The following SYT2 variants were observed in gnomAD, a reference collection of about 807,000 sequenced individuals.
SYT2 encodes the protein synaptotagmin 2, also known as synaptotagmin-2.
SYT2 carries 15 observed loss-of-function variants against 39.9 expected under a neutral mutation model. The ratio of observed to expected loss-of-function variants is 0.38; its 90% confidence interval spans 0.25 to 0.58. The LOEUF (loss-of-function observed/expected upper bound fraction) is 0.58. Ranked by LOEUF, SYT2 falls within the 20% of genes least tolerant of loss-of-function variation. SYT2 has a pLI of 0.70. For missense variants in SYT2, 389 were observed against 530.3 expected, an observed-to-expected ratio of 0.73 and a Z score of 2.62; for synonymous variants, 181 against 204.5, an observed-to-expected ratio of 0.89 and a Z score of 0.98.
At position 202,699,010 on chromosome 1, in the gene SYT2, C is replaced by CTTTTTTT. The variant is rs5780118; in HGVS notation, c.-18+11241_-18+11247dup. On this transcript the variant is annotated intron_variant, in intron 1 of 8. Coordinates refer to ENST00000367268, the MANE Select transcript of SYT2 (RefSeq NM_177402.5). ...TGGATAGAACCAGTAACCAAACTGT[C>CTTTTTTT]TTTTTTTTTTTTTTTTTTTTTTTGA... is the stretch of plus-strand genomic sequence containing the variant. 6.3e-4 allele frequency among the ~76,000 whole-genome samples: 62 copies of CTTTTTTT among 97,936 alleles called. 1 individual carries two copies. Among genetic ancestry groups the CTTTTTTT allele is most frequent in the Non-Finnish European group, 9.2e-4 (47 of 50,870 alleles). 64.2% of individuals were successfully genotyped at this position (97,936 alleles called of 152,430 possible).
At chr1:202,689,018 C>G (rs553008812) in intron 1 of SYT2, among the ~76,000 whole-genome samples, 1 of 152,258 alleles carries the variant, frequency 6.6e-6, no homozygotes, top group South Asian at 2.1e-4. Context: ...CCAGCCTCAG[C>G]AAGGGAGGGA....
At chr1:202,649,219 A>C (rs1286810220) in intron 1 of SYT2, among the ~76,000 whole-genome samples, 1 of 152,246 alleles carries the variant, frequency 6.6e-6, no homozygotes, top group Non-Finnish European at 1.5e-5. Flanking sequence ...AACCAGCATC[A>C]AGTGGCAGCC....
chr1:202,624,759 T>TGTGTGGCATGTAGTAGG (rs1558435818), intron 1 of SYT2, among the ~76,000 whole-genome samples: 2 of 104,230 alleles, frequency 1.9e-5, no homozygotes, highest in South Asian at 4.0e-4. Context: ...GTGTGTGGTG[T>TGTGTGGCATGTAGTAGG]GTGTGTGGTG....
intron 1 of SYT2, chr1:202,633,049 G>A (rs1293066417): frequency 6.6e-6 from 1 of 152,282 alleles, no homozygotes; most frequent in African/African-American, 2.4e-5. Flanking sequence ...TACAGGATGT[G>A]GCTGTGCAGT....
rs562971351 is a variant in SYT2 at position 202,614,821 on chromosome 1, G to A, written c.-17-9032C>T. Among the ~76,000 whole-genome samples, 2 of 152,332 alleles carry A rather than the reference G, an allele frequency of 1.3e-5. No individual in the cohort carries two copies. Among genetic ancestry groups the A allele is most frequent in the East Asian group, 1.9e-4 (1 of 5,184 alleles). ...CTGAGAGAAGGCCAGGGCAGCTGGA[G>A]TGGATGGATCACGGTTCAGGGTGAG... On this transcript the variant is annotated intron_variant, in intron 1 of 8. Transcript: ENST00000367268. The surrounding 1 kb of genome is among the most constrained non-coding windows in gnomAD (Gnocchi z 4.0).
At chr1:202,679,175 C>T (rs1653463474) in intron 1 of SYT2, among the ~76,000 whole-genome samples, 1 of 152,160 alleles carries the variant, frequency 6.6e-6, no homozygotes, top group Non-Finnish European at 1.5e-5. Context: ...GAAGCTGGTC[C>T]CACTGGTGTC....
chr1:202,602,389 A>G lies in SYT2; in HGVS notation c.622T>C (p.Phe208Leu). The G allele has an allele frequency of 6.2e-7, 1 of 1,613,902 alleles. No homozygotes were observed. The highest frequency in any genetic ancestry group is 8.5e-7 in the Non-Finnish European group (1 of 1,179,838). The change falls in exon 5 of 9, where the codon TTC (phenylalanine) becomes CTC (leucine). Residue 208 changes from phenylalanine (F) to leucine (L), a missense_variant. Physicochemically the swap from Phe to Leu is conservative, Grantham distance 22. Transcript: ENST00000367268. ...CCAGCCCTCAGCACCTTGAAGGTGA[A>G]GGTTTCATTGAAGGCAGGGTTCAGT... is the stretch of plus-strand genomic sequence containing the variant. ...KTLNPAFNET[F>L]TFKVPYQELG... is the part of the protein sequence containing the mutation.
intron 1 of SYT2, among the ~76,000 whole-genome samples, chr1:202,650,034 T>A (rs1692161540): frequency 6.6e-6 from 1 of 152,198 alleles, no homozygotes; most frequent in South Asian, 2.1e-4. Context: ...GGGGAGCGAT[T>A]CCAAGTTCTC....
chr1:202,701,820 C>T (rs898771855), intron 1 of SYT2, among the ~76,000 whole-genome samples: 1 of 152,176 alleles, frequency 6.6e-6, no homozygotes, highest in African/African-American at 2.4e-5. Flanking sequence ...ATAAGGTAAA[C>T]TTCACAAGGG....
In SYT2 at chr1:202,600,372, C is replaced by T. The variant is rs756234494; in HGVS notation, c.904G>A (p.Val302Met). 18 of 1,614,054 alleles carry T rather than the reference C, an allele frequency of 1.1e-5. No homozygotes were observed. The highest frequency in any genetic ancestry group is 3.3e-5 in the South Asian group (3 of 91,094). Residue 302 changes from valine to methionine, a missense_variant, in exon 7 of 9, where the codon GTG (valine) becomes ATG (methionine). Val to Met is a conservative substitution (Grantham distance 21). This residue lies in a region of SYT2 where 21 missense variants were observed against 47.0 expected (regional missense o/e 0.45). Coordinates refer to ENST00000367268, the MANE Select transcript of SYT2 (RefSeq NM_177402.5). ...LEAKNLKKMD[V>M]GGLSDPYVKI... is the part of the protein sequence containing the mutation. The stretch of plus-strand genomic sequence containing the variant: ...CTCCACGTACCTGAAAGGCCGCCCA[C>T]GTCCATCTTCTTGAGGTTCTTAGCC...
At position 202,679,440 on chromosome 1, in the gene SYT2, C is replaced by G. The variant is rs151285358; in HGVS notation, c.-18+30818G>C. ...TGCTCCTATATTTCCCTTCTCAGCT[C>G]CAGGCACCATCATTGACTCAGTTGT... On this transcript the variant is annotated intron_variant, in intron 1 of 8. Transcript: ENST00000367268. Among the ~76,000 whole-genome samples the G allele has an allele frequency of 7.9e-3, 1,200 of 152,312 alleles. 20 individuals carry two copies. Among genetic ancestry groups the G allele is most frequent in the African/African-American group, 0.028 (1,151 of 41,552 alleles).
chr1:202,607,632 C>G (rs899332350), intron 1 of SYT2, among the ~76,000 whole-genome samples: 9 of 152,164 alleles, frequency 5.9e-5, no homozygotes, highest in African/African-American at 2.2e-4. Context: ...TACATTGATG[C>G]AATGTAGGTT....
intron 1 of SYT2, among the ~76,000 whole-genome samples, chr1:202,619,735 C>T (rs528893007): frequency 3.5e-4 from 54 of 152,278 alleles, no homozygotes; most frequent in African/African-American, 1.3e-3. Flanking sequence ...AGTCCAAGCC[C>T]GGTTGCTGGA....
chr1:202,596,571 G>T lies in SYT2; in HGVS notation c.*186C>A. The T allele has an allele frequency of 3.3e-6, 2 of 601,608 alleles. No individual in the cohort carries two copies. The highest frequency in any genetic ancestry group is 2.1e-5 in the South Asian group (1 of 48,486). 37.3% of individuals were successfully genotyped at this position (601,608 alleles called of 1,614,324 possible). ...CAGGCTTCTCTTTCACCTCTTAGGGGACTCTCCTCACACAGCCATCAAAGG... is the reference window on the plus strand; with the variant it reads ...CAGGCTTCTCTTTCACCTCTTAGGGTACTCTCCTCACACAGCCATCAAAGG... On this transcript the variant is annotated 3_prime_UTR_variant, in exon 9 of 9. Coordinates refer to ENST00000367268, the MANE Select transcript of SYT2 (RefSeq NM_177402.5).
At position 202,602,451 on chromosome 1, in the gene SYT2, T is replaced by C. The variant is rs778448898; in HGVS notation, c.560A>G (p.Lys187Arg). The change falls in exon 5 of 9, where the codon AAG (lysine) becomes AGG (arginine). Residue 187 changes from lysine (K) to arginine (R), a missense_variant. By Grantham distance (26) the Lys-to-Arg change is conservative. Around this residue, in one of 4 missense-constraint regions of SYT2, gnomAD observed 280 missense variants for 335.6 expected, o/e 0.83. Coordinates refer to ENST00000367268, the MANE Select transcript of SYT2 (RefSeq NM_177402.5). The stretch of plus-strand genomic sequence containing the variant: ...GACTTTGGTCTCATATTTCTTCTTC[T>C]TGTCAGGAAGGAGGAAGACCTTGAC... Reference protein sequence around the residue: ...PYVKVFLLPDKKKKYETKVHR... With the variant: ...PYVKVFLLPDRKKKYETKVHR... 4 of 1,614,162 alleles carry C rather than the reference T, an allele frequency of 2.5e-6. No homozygotes were observed. In the Admixed American group the frequency reaches 6.7e-5, roughly 27 times the overall value.
intron 2 of SYT2, 90 bp downstream of exon 2, chr1:202,605,505 G>GCCAATCACATCC: frequency 7.8e-7 from 1 of 1,276,912 alleles, no homozygotes; most frequent in African/African-American, 1.5e-5. Context: ...AAAGAGCCCA[G>GCCAATCACATCC]CCAATCACAT....
rs1690506485 is a variant in SYT2, at chr1:202,601,643, C to T, written c.801+247G>A. On this transcript the variant is annotated intron_variant, in intron 6 of 8. Coordinates refer to ENST00000367268, the MANE Select transcript of SYT2 (RefSeq NM_177402.5). The surrounding 1 kb of genome is among the most constrained non-coding windows in gnomAD (Gnocchi z 4.0). The stretch of plus-strand genomic sequence containing the variant: ...ATTTATTTGAGTACCTACCAAATAC[C>T]AGTCGCTGCGCTAGGCGCTTTATGC... Among the ~76,000 whole-genome samples, 1 of 152,172 alleles carries T rather than the reference C, an allele frequency of 6.6e-6. No homozygotes were observed. Among genetic ancestry groups the T allele is most frequent in the Non-Finnish European group, 1.5e-5 (1 of 68,026 alleles).
chr1:202,692,397 C>T (rs1340584722), intron 1 of SYT2, among the ~76,000 whole-genome samples: 4 of 152,036 alleles, frequency 2.6e-5, no homozygotes, highest in Non-Finnish European at 4.4e-5. Flanking sequence ...ATAAATATTA[C>T]AGGGAAGAGT....
intron 1 of SYT2, among the ~76,000 whole-genome samples, chr1:202,624,838 G>A (rs1308854144): frequency 7.3e-6 from 1 of 137,616 alleles, no homozygotes; most frequent in African/African-American, 2.6e-5. Flanking sequence ...CTGTAGTAGG[G>A]TGTGTGTGGT....
Sources: allele counts gnomAD v4.1 joint callset (sites outside exome capture counted in the v4.1 genomes callset), GRCh38; gene constraint gnomAD v4.1.1; regional missense constraint gnomAD v4.1.1; non-coding constraint Gnocchi (gnomAD v3.1); transcripts MANE v1.5; gene names NCBI Gene and HGNC (gene_info 2026-07-23, HGNC 2026-07-21).